EFHC1: variants seen among roughly 807,000 people sequenced by gnomAD.
The protein encoded by EFHC1 is EF-hand domain-containing protein 1.
A neutral mutation model predicts 69.9 loss-of-function variants in EFHC1; 53 were observed. The observed-to-expected ratio is 0.76, with a 90% CI of 0.61 to 0.95. EFHC1 has a LOEUF of 0.95. EFHC1 is among the 40% of genes least tolerant of loss of function. EFHC1 has a pLI of 0.00. For missense variants in EFHC1, 739 were observed against 798.7 expected, an observed-to-expected ratio of 0.93 and a Z score of 0.90; for synonymous variants, 256 against 278.4, an observed-to-expected ratio of 0.92 and a Z score of 0.80.
chr6:52,459,478 T>C (rs1765114046), intron 5 of EFHC1, among the ~76,000 whole-genome samples: 1 of 152,152 alleles, frequency 6.6e-6, no homozygotes, highest in African/African-American at 2.4e-5. Context: ...TAGTTACTTA[T>C]TAGAGAAATG....
intron 7 of EFHC1, among the ~76,000 whole-genome samples, chr6:52,476,293 C>T (rs1005830271): frequency 2.0e-5 from 3 of 152,102 alleles, no homozygotes; most frequent in African/African-American, 7.2e-5. Context: ...GATACTCATC[C>T]CCAAAGGGAT....
In EFHC1 at chr6:52,461,812, A is replaced by C. The variant is rs9474225; in HGVS notation, c.917-3083A>C. 4.3e-3 allele frequency among the ~76,000 whole-genome samples: 660 copies of C among 152,346 alleles called. 5 individuals carry two copies. Among genetic ancestry groups the C allele is most frequent in the African/African-American group, 0.015 (614 of 41,580 alleles). On this transcript the variant is annotated intron_variant, in intron 5 of 10. Coordinates refer to ENST00000371068, the MANE Select transcript of EFHC1 (RefSeq NM_018100.4). ...TGATGAAGCTATATTAGTATAATAC[A>C]AAAAGACATTTGGGCAAAAAGCTTT...
At chr6:52,466,639 G>C (rs1261768181) in intron 6 of EFHC1, among the ~76,000 whole-genome samples, 1 of 152,090 alleles carries the variant, frequency 6.6e-6, no homozygotes, top group Non-Finnish European at 1.5e-5. Flanking sequence ...TTCTCTCCTA[G>C]TACCTAATAC....
At chr6:52,441,389 T>C (rs61508195) in intron 3 of EFHC1, among the ~76,000 whole-genome samples, 2,805 of 152,272 alleles carry the variant, frequency 0.018, 97 homozygotes, top group African/African-American at 0.064. Context: ...TTTTGTCAAC[T>C]TTGTTGAAGA....
intron 7 of EFHC1, among the ~76,000 whole-genome samples, chr6:52,471,741 A>G (rs1464558228): frequency 6.6e-6 from 1 of 152,004 alleles, no homozygotes; most frequent in Non-Finnish European, 1.5e-5. Context: ...GGTGGCATGC[A>G]CCTGTAATCC....
chr6:52,429,252 C>T (rs1278087024), intron 2 of EFHC1, among the ~76,000 whole-genome samples: 2 of 152,174 alleles, frequency 1.3e-5, no homozygotes, highest in East Asian at 1.9e-4. Context: ...GGTTCTTGGT[C>T]ATGAAACCCT....
intron 5 of EFHC1, among the ~76,000 whole-genome samples, chr6:52,459,333 T>G (rs1180566564): frequency 3.3e-5 from 5 of 152,186 alleles, no homozygotes; most frequent in Non-Finnish European, 7.3e-5. Context: ...GAGAAGGTAC[T>G]TGTCATAGGA....
intron 7 of EFHC1, among the ~76,000 whole-genome samples, chr6:52,471,310 C>G (rs759211335): frequency 6.6e-6 from 1 of 152,156 alleles, no homozygotes; most frequent in Admixed American, 6.5e-5. Flanking sequence ...CCCTGATTGT[C>G]TCAGTTTTAC....
In EFHC1 at chr6:52,494,511, A is replaced by C; in HGVS notation, c.*2170A>C. On this transcript the variant is annotated 3_prime_UTR_variant, in exon 11 of 11. Transcript: ENST00000371068. Reference sequence around the variant, plus strand: ...AGGGCAAAGTCTTATTTCTGTGGCTAGTAATGTCGTAATGTGGGGCCAGGT... The same window carrying C: ...AGGGCAAAGTCTTATTTCTGTGGCTCGTAATGTCGTAATGTGGGGCCAGGT... 1 of 454,154 alleles carries C rather than the reference A, an allele frequency of 2.2e-6. No homozygotes were observed. The highest frequency in any genetic ancestry group is 4.4e-6 in the Non-Finnish European group (1 of 226,796). The allele number at this position is 454,154 out of a possible 1,614,324, so 28.1% of individuals were successfully genotyped here.
At chr6:52,438,160 T>G in intron 2 of EFHC1, 144 bp from the exon 3 acceptor site, 1 of 829,178 alleles carries the variant, frequency 1.2e-6, no homozygotes, top group South Asian at 1.7e-5. Flanking sequence ...ATCTGTAGTT[T>G]TAGAGTATCA....
intron 3 of EFHC1, among the ~76,000 whole-genome samples, chr6:52,443,080 GTCT>G (rs1330252136): frequency 3.9e-5 from 6 of 152,158 alleles, no homozygotes; most frequent in African/African-American, 1.4e-4. Flanking sequence ...CTGCATAAAT[GTCT>G]TCTTTTGAGA....
At chr6:52,424,239 C>T in intron 2 of EFHC1, 72 bp downstream of exon 2, 1 of 1,382,364 alleles carries the variant, frequency 7.2e-7, no homozygotes, top group South Asian at 1.2e-5. Flanking sequence ...AAAGTTAAAA[C>T]AGTAAACCAC....
intron 9 of EFHC1, chr6:52,485,456 T>G (rs1765766841): frequency 6.6e-6 from 1 of 151,926 alleles, no homozygotes; most frequent in Non-Finnish European, 1.5e-5. Flanking sequence ...GGATATGGTT[T>G]GTTTGGCCCC....
At position 52,479,100 on chromosome 6, in the gene EFHC1, A is replaced by G. The variant is rs368766844; in HGVS notation, c.1342A>G (p.Met448Val). 6.2e-7 allele frequency: 1 copy of G among 1,614,160 alleles called. No individual in the cohort carries two copies. The highest frequency in any genetic ancestry group is 8.5e-7 in the Non-Finnish European group (1 of 1,180,006). The change falls in exon 8 of 11, where the codon ATG becomes GTG. Residue 448 changes from methionine (M) to valine (V), a missense_variant. Met to Val is a conservative substitution (Grantham distance 21). Transcript: ENST00000371068. Reference protein sequence around the residue: ...FVFSYFLATDMISIFEPPVRN... With the variant: ...FVFSYFLATDVISIFEPPVRN... ...CTTCTCTTACTTTCTAGCTACCGACATGATCAGTATCTTTGAGCCTCCTGT... is the reference window on the plus strand; with the variant it reads ...CTTCTCTTACTTTCTAGCTACCGACGTGATCAGTATCTTTGAGCCTCCTGT...
chr6:52,456,747 CTA>C (rs1765053566), intron 5 of EFHC1, among the ~76,000 whole-genome samples: 1 of 152,054 alleles, frequency 6.6e-6, no homozygotes, highest in Non-Finnish European at 1.5e-5. Flanking sequence ...AACCCCCTCT[CTA>C]CTAAAAAATA....
At chr6:52,487,566 T>C (rs1765812245) in intron 9 of EFHC1, 1 of 151,846 alleles carries the variant, frequency 6.6e-6, no homozygotes, top group East Asian at 1.9e-4. Flanking sequence ...ATTGTCATTT[T>C]CATCTTTCTA....
At chr6:52,476,588 G>A (rs767717046) in intron 7 of EFHC1, among the ~76,000 whole-genome samples, 1 of 152,180 alleles carries the variant, frequency 6.6e-6, no homozygotes, top group Non-Finnish European at 1.5e-5. Flanking sequence ...TCCATAATAA[G>A]ATATATTGAC....
At chr6:52,469,733 T>C (rs1434571328) in intron 7 of EFHC1, among the ~76,000 whole-genome samples, 2 of 152,232 alleles carry the variant, frequency 1.3e-5, no homozygotes, top group African/African-American at 4.8e-5. Context: ...CCTCAAATGT[T>C]GACAGATCTT....
intron 3 of EFHC1, among the ~76,000 whole-genome samples, chr6:52,443,719 C>G (rs1023234846): frequency 6.6e-6 from 1 of 151,284 alleles, no homozygotes. Context: ...AGTCAGGTAG[C>G]GTGATGCCTC....
Sources: gnomAD v4.1 joint callset for allele counts (sites outside exome capture counted in the v4.1 genomes callset) on GRCh38, gnomAD v4.1.1 for gene constraint, MANE v1.5 for transcripts, NCBI Gene and HGNC (gene_info 2026-07-23, HGNC 2026-07-21) for gene names.